The following DLGAP1 variants were observed in gnomAD, a reference collection of about 807,000 sequenced individuals.
DLGAP1 encodes the protein DLG associated protein 1.
In DLGAP1, 11 loss-of-function variants were observed where a neutral mutation model predicts 90.8. The observed-to-expected ratio is 0.12, with a 90% CI of 0.08 to 0.20. The LOEUF is 0.20. Ranked by LOEUF, DLGAP1 falls within the 10% of genes least tolerant of loss-of-function variation. The pLI, the probability that DLGAP1 is intolerant of heterozygous loss-of-function variation, is 1.00. For missense variants in DLGAP1, 1,050 were observed against 1,333.8 expected (o/e 0.79, Z 3.31); for synonymous variants, 558 against 540.7 (o/e 1.03, Z -0.44).
At chr18:4,366,084 T>C (rs1351326779) in intron 1 of DLGAP1, among the ~76,000 whole-genome samples, 1 of 152,114 alleles carries the variant, frequency 6.6e-6, no homozygotes, top group Non-Finnish European at 1.5e-5. Flanking sequence ...CGAGATATAC[T>C]TTCAACTGAT....
intron 5 of DLGAP1, among the ~76,000 whole-genome samples, chr18:3,785,284 C>A (rs1321346738): frequency 6.6e-6 from 1 of 152,212 alleles, no homozygotes; most frequent in East Asian, 1.9e-4. Context: ...CTCAGCAGGG[C>A]TGAGTTGCTT....
intron 1 of DLGAP1, among the ~76,000 whole-genome samples, chr18:4,387,193 A>G (rs1414091970): frequency 6.6e-6 from 1 of 152,192 alleles, no homozygotes; most frequent in African/African-American, 2.4e-5. Flanking sequence ...GGTAGGCAAT[A>G]TCAATCAGTC....
intron 1 of DLGAP1, among the ~76,000 whole-genome samples, chr18:4,354,059 T>A (rs771271809): frequency 6.6e-6 from 1 of 151,842 alleles, no homozygotes; most frequent in Non-Finnish European, 1.5e-5. Flanking sequence ...AGGTAAGGAG[T>A]CTCTGTGACT....
At chr18:3,640,645 C>T (rs976520713) in intron 7 of DLGAP1, among the ~76,000 whole-genome samples, 2 of 152,206 alleles carry the variant, frequency 1.3e-5, no homozygotes, top group Non-Finnish European at 2.9e-5. Flanking sequence ...CTATACCATG[C>T]TTGCAAATGA....
chr18:4,111,817 A>T (rs2075977868), intron 2 of DLGAP1, among the ~76,000 whole-genome samples: 1 of 151,820 alleles, frequency 6.6e-6, no homozygotes, highest in African/African-American at 2.4e-5. Context: ...GGTAATGTGA[A>T]TCTCATCTTT....
At chr18:3,779,882 C>T (rs532952531) in intron 5 of DLGAP1, among the ~76,000 whole-genome samples, 4 of 150,336 alleles carry the variant, frequency 2.7e-5, no homozygotes, top group South Asian at 2.1e-4. Context: ...CTCCACCTCC[C>T]GGGTTCAAGC....
intron 9 of DLGAP1, among the ~76,000 whole-genome samples, chr18:3,566,571 T>C (rs1046013496): frequency 6.6e-6 from 1 of 152,134 alleles, no homozygotes; most frequent in Non-Finnish European, 1.5e-5. Context: ...TTACGTTACA[T>C]GTAGCCTTGA....
chr18:3,821,486 C>T (rs566303311), intron 4 of DLGAP1, among the ~76,000 whole-genome samples: 38 of 152,078 alleles, frequency 2.5e-4, no homozygotes, highest in African/African-American at 6.8e-4. Flanking sequence ...ACTCAACAGT[C>T]GTGGTTTTTA....
At chr18:4,013,417 C>T (rs574743618) in intron 2 of DLGAP1, among the ~76,000 whole-genome samples, 2 of 152,316 alleles carry the variant, frequency 1.3e-5, no homozygotes, top group African/African-American at 4.8e-5. Context: ...CAAATCCAGA[C>T]AGTCTGACCC....
intron 3 of DLGAP1, among the ~76,000 whole-genome samples, chr18:3,951,070 T>C (rs755330947): frequency 6.6e-6 from 1 of 152,208 alleles, no homozygotes; most frequent in Non-Finnish European, 1.5e-5. Context: ...AGTCAATGTT[T>C]TGGGGTCAGC....
chr18:3,819,759 C>T (rs1401779866), intron 4 of DLGAP1, among the ~76,000 whole-genome samples: 2 of 152,202 alleles, frequency 1.3e-5, no homozygotes, highest in African/African-American at 4.8e-5. Flanking sequence ...GAATCTCCCC[C>T]GCCCCCTTCT....
At chr18:4,209,039 G>A (rs1232751440) in intron 1 of DLGAP1, among the ~76,000 whole-genome samples, 1 of 152,214 alleles carries the variant, frequency 6.6e-6, no homozygotes, top group Non-Finnish European at 1.5e-5. Context: ...GTGAGGCCGG[G>A]TGGAAAGCTG....
intron 4 of DLGAP1, among the ~76,000 whole-genome samples, chr18:3,851,518 AT>A (rs1254304529): frequency 6.6e-6 from 1 of 152,220 alleles, no homozygotes; most frequent in East Asian, 1.9e-4. Flanking sequence ...CTACAGGAAC[AT>A]TCTTTTGATT....
chr18:4,230,908 C>T (rs539012329), intron 1 of DLGAP1, among the ~76,000 whole-genome samples: 1 of 151,610 alleles, frequency 6.6e-6, no homozygotes, highest in African/African-American at 2.4e-5. Flanking sequence ...CTACTACATA[C>T]TCCAAAATTA....
intron 2 of DLGAP1, among the ~76,000 whole-genome samples, chr18:4,148,273 C>T (rs2076619027): frequency 6.6e-6 from 1 of 151,700 alleles, no homozygotes; most frequent in Non-Finnish European, 1.5e-5. Flanking sequence ...TACATTTCTA[C>T]ACAATGGGCT....
At chr18:4,229,731 T>C (rs536989509) in intron 1 of DLGAP1, among the ~76,000 whole-genome samples, 1 of 151,858 alleles carries the variant, frequency 6.6e-6, no homozygotes, top group African/African-American at 2.4e-5. Context: ...CAAGAAAACA[T>C]GGGGAAGCTC....
chr18:3,669,972 T>G (rs1169466004), intron 7 of DLGAP1, among the ~76,000 whole-genome samples: 2 of 152,192 alleles, frequency 1.3e-5, no homozygotes, highest in African/African-American at 4.8e-5. Flanking sequence ...CCTGCCTGTT[T>G]GTATGCTCCC....
At chr18:4,416,044 T>C (rs1334218543) in intron 1 of DLGAP1, among the ~76,000 whole-genome samples, 1 of 152,184 alleles carries the variant, frequency 6.6e-6, no homozygotes, top group Non-Finnish European at 1.5e-5. Flanking sequence ...AATAAACACA[T>C]TGCAGTATTT....
At chr18:4,097,669 A>G (rs1568395000) in intron 2 of DLGAP1, among the ~76,000 whole-genome samples, 1 of 152,370 alleles carries the variant, frequency 6.6e-6, no homozygotes, top group East Asian at 1.9e-4. Context: ...TAAGAACTCT[A>G]GCACACAAAA....
Sources: gnomAD v4.1 joint callset for allele counts (sites outside exome capture counted in the v4.1 genomes callset) on GRCh38, gnomAD v4.1.1 for gene constraint, MANE v1.5 for transcripts, NCBI Gene and HGNC (gene_info 2026-07-23, HGNC 2026-07-21) for gene names.